Variants in NAV2 observed in about 807,000 individuals in gnomAD.
NAV2 encodes neuron navigator 2, also known as helicase, APC down-regulated 1.
NAV2 carries 54 observed loss-of-function variants against 223.2 expected under a neutral mutation model. That is an observed-to-expected ratio of 0.24 (90% CI 0.19 to 0.30). The LOEUF (loss-of-function observed/expected upper bound fraction) is 0.30. NAV2 is among the 10% of genes least tolerant of loss of function. The pLI, the probability that NAV2 is intolerant of heterozygous loss-of-function variation, is 1.00. For synonymous variants in NAV2, 1,279 were observed against 1,239.3 expected (o/e 1.03, Z -0.67); for missense variants, 2,806 against 3,147.5 (o/e 0.89, Z 2.60).
intron 2 of NAV2, among the ~76,000 whole-genome samples, chr11:19,834,513 A>C (rs1273932735): frequency 1.3e-5 from 2 of 152,110 alleles, no homozygotes; most frequent in Non-Finnish European, 2.9e-5. Context: ...GCTAAGAATA[A>C]ATAACAAATG....
At chr11:19,433,964 C>T (rs568891803) in intron 1 of NAV2, among the ~76,000 whole-genome samples, 2 of 152,250 alleles carry the variant, frequency 1.3e-5, no homozygotes, top group East Asian at 1.9e-4. Context: ...AGCATCTGGC[C>T]AATAGGCAAA....
At chr11:19,532,703 C>T (rs561281243) in intron 1 of NAV2, among the ~76,000 whole-genome samples, 25 of 152,326 alleles carry the variant, frequency 1.6e-4, no homozygotes, top group Non-Finnish European at 1.2e-4. Context: ...CCCCCTGCCT[C>T]CCTGCTGGGA....
Position 19,988,893 on chromosome 11 carries a change from C to A in NAV2, c.2768+4646C>A, listed in dbSNP as rs529755547. 3.3e-5 allele frequency among the ~76,000 whole-genome samples: 5 copies of A among 152,310 alleles called. No individual in the cohort carries two copies. In the East Asian group the frequency reaches 9.7e-4, roughly 29 times the overall value. Reference sequence around the variant, plus strand: ...GCCTCCTGGCACCAAGCAGTGCATTCATGGATTCAGGTCTGATCTGGAGGA... The same window carrying A: ...GCCTCCTGGCACCAAGCAGTGCATTAATGGATTCAGGTCTGATCTGGAGGA... On this transcript the variant is annotated intron_variant, in intron 11 of 37. Coordinates refer to ENST00000349880, the MANE Select transcript of NAV2 (RefSeq NM_145117.5).
At chr11:19,618,701 TAG>T (rs1354955979) in intron 1 of NAV2, among the ~76,000 whole-genome samples, 29 of 152,236 alleles carry the variant, frequency 1.9e-4, no homozygotes, top group African/African-American at 5.5e-4. Context: ...CTGAAAAATC[TAG>T]AGTCAGGTTG....
At chr11:19,638,853 C>T (rs1410093440) in intron 1 of NAV2, among the ~76,000 whole-genome samples, 2 of 152,050 alleles carry the variant, frequency 1.3e-5, no homozygotes, top group Admixed American at 6.6e-5. Flanking sequence ...GTTAGCCAGG[C>T]GTGGTGGCGC....
At chr11:19,365,722 G>A (rs925645850) in intron 1 of NAV2, among the ~76,000 whole-genome samples, 17 of 152,230 alleles carry the variant, frequency 1.1e-4, no homozygotes, top group African/African-American at 2.9e-4. Context: ...TGTATTTAAA[G>A]AGGCTTTATA....
chr11:19,586,233 G>A (rs548326454), intron 1 of NAV2, among the ~76,000 whole-genome samples: 2 of 152,226 alleles, frequency 1.3e-5, no homozygotes, highest in South Asian at 4.1e-4. Context: ...GCTCCATGAG[G>A]TCCTTTAAGG....
chr11:20,057,138 G>T (rs1007247450), intron 19 of NAV2, among the ~76,000 whole-genome samples: 5 of 152,036 alleles, frequency 3.3e-5, no homozygotes, highest in African/African-American at 1.2e-4. Context: ...GTGCTTCCCG[G>T]TCCCCATATG....
At chr11:19,860,143 G>T (rs575573242) in intron 3 of NAV2, among the ~76,000 whole-genome samples, 2 of 140,924 alleles carry the variant, frequency 1.4e-5, no homozygotes, top group Non-Finnish European at 3.1e-5. Context: ...CTCACCTCCC[G>T]GACGGGGCGG....
chr11:19,621,138 C>T (rs776334179), intron 1 of NAV2, among the ~76,000 whole-genome samples: 16 of 152,114 alleles, frequency 1.1e-4, no homozygotes, highest in Non-Finnish European at 1.5e-4. Context: ...ATAAGCTTTT[C>T]GATGTGCTGC....
intron 1 of NAV2, among the ~76,000 whole-genome samples, chr11:19,455,581 T>C (rs6483603): frequency 0.052 from 7,958 of 152,206 alleles, 553 homozygotes; most frequent in African/African-American, 0.16. Context: ...TGAATATTTG[T>C]TGAATGAATA....
upstream of NAV2, among the ~76,000 whole-genome samples, chr11:19,348,140 T>C (rs2056267725): frequency 1.3e-5 from 2 of 152,102 alleles, no homozygotes; most frequent in African/African-American, 2.4e-5. Context: ...CCATGTGCAC[T>C]TGGGGCGTGT....
chr11:20,038,830 C>G (rs528840929), intron 12 of NAV2, among the ~76,000 whole-genome samples: 20 of 152,314 alleles, frequency 1.3e-4, no homozygotes, highest in African/African-American at 4.8e-4. Flanking sequence ...TGAAAAGCCT[C>G]TGAGAAATAA....
At position 20,097,723 on chromosome 11, in the gene NAV2, G is replaced by A. The variant is rs756016954; in HGVS notation, c.6159G>A (p.Thr2053=). 2.9e-5 allele frequency: 47 copies of A among 1,601,780 alleles called. No individual in the cohort carries two copies. Among genetic ancestry groups the A allele is most frequent in the Admixed American group, 5.3e-5 (3 of 56,278 alleles). The part of the protein sequence containing the change: ...LPCGYLVGEN[T]TISVTVKGLA... ...GTGGCTATCTGGTTGGAGAGAACACGACCATCTCAGTGACTGTGAAAGGTA... is the reference window on the plus strand; with the variant it reads ...GTGGCTATCTGGTTGGAGAGAACACAACCATCTCAGTGACTGTGAAAGGTA... The change falls in exon 31 of 38, where the codon ACG becomes ACA. Residue 2053 remains threonine (T), a synonymous_variant. Coordinates refer to ENST00000349880, the MANE Select transcript of NAV2 (RefSeq NM_145117.5).
At chr11:19,768,377 G>T (rs1233833459) in intron 1 of NAV2, among the ~76,000 whole-genome samples, 3 of 152,130 alleles carry the variant, frequency 2.0e-5, no homozygotes, top group African/African-American at 7.2e-5. Flanking sequence ...ATCAGTCAGC[G>T]AAGTAGAGTT....
intron 5 of NAV2, among the ~76,000 whole-genome samples, chr11:19,890,678 A>G (rs1024605245): frequency 6.6e-6 from 1 of 152,194 alleles, no homozygotes; most frequent in African/African-American, 2.4e-5. Flanking sequence ...AAGCTCTTCC[A>G]TTGGATGTGA....
At chr11:19,583,916 C>G (rs1429240025) in intron 1 of NAV2, among the ~76,000 whole-genome samples, 1 of 152,218 alleles carries the variant, frequency 6.6e-6, no homozygotes, top group Admixed American at 6.5e-5. Context: ...AGGATTCCCT[C>G]TTTTTCTGTT....
At chr11:19,957,440 G>A (rs2047969987) in intron 10 of NAV2, among the ~76,000 whole-genome samples, 1 of 152,210 alleles carries the variant, frequency 6.6e-6, no homozygotes, top group Admixed American at 6.5e-5. Flanking sequence ...ATTTCCCCAA[G>A]TGCTGCAGAA....
chr11:19,713,908 G>GGAGGGGCTCCCGCTGCGGAA lies in NAV2; in HGVS notation c.217_236dup (p.Ser79ArgfsTer28). The stretch of plus-strand genomic sequence containing the variant: ...TGCAGGGGCTGCAGGAGCCAGCGGG[G>GGAGGGGCTCCCGCTGCGGAA]GAGGGGCTCCCGCTGCGGAAGAGCG... On this transcript the variant is annotated frameshift_variant, in exon 1 of 38. Transcript: ENST00000349880. LOFTEE classifies it high-confidence loss of function. This position sits in a 1 kb window ranked among gnomAD's most constrained non-coding sequence, Gnocchi z 7.2. 1 of 1,613,648 alleles carries GGAGGGGCTCCCGCTGCGGAA rather than the reference G, an allele frequency of 6.2e-7. No individual in the cohort carries two copies. The highest frequency in any genetic ancestry group is 8.5e-7 in the Non-Finnish European group (1 of 1,179,982).
Sources: allele counts gnomAD v4.1 joint callset (sites outside exome capture counted in the v4.1 genomes callset), GRCh38; gene constraint gnomAD v4.1.1; non-coding constraint Gnocchi (gnomAD v3.1); transcripts MANE v1.5; gene names NCBI Gene and HGNC (gene_info 2026-07-23, HGNC 2026-07-21).